C19orf47: variants seen among roughly 807,000 people sequenced by gnomAD.
The protein encoded by C19orf47 is uncharacterized protein C19orf47.
In C19orf47, 18 loss-of-function variants were observed where a neutral mutation model predicts 32.3. The observed-to-expected ratio is 0.56, with a 90% CI of 0.39 to 0.83. The LOEUF is 0.83. Among genes scored for constraint, C19orf47 ranks in the 40% least tolerant of loss-of-function variants. The pLI is 0.00. For missense variants in C19orf47, 484 were observed against 531.6 expected (o/e 0.91, Z 0.88); for synonymous variants, 202 against 211.1 (o/e 0.96, Z 0.37).
Position 40,321,540 on chromosome 19 carries a change from G to A in C19orf47, c.*342C>T. The A allele has an allele frequency of 9.3e-7, 1 of 1,071,112 alleles. No homozygotes were observed. Among genetic ancestry groups the A allele is most frequent in the Non-Finnish European group, 1.1e-6 (1 of 882,650 alleles). The allele number at this position is 1,071,112 out of a possible 1,614,324, so 66.4% of individuals were successfully genotyped here. A position where few individuals can be genotyped will look rare whatever the true frequency, so the allele number is the denominator to read the frequency against. On this transcript the variant is annotated 3_prime_UTR_variant, in exon 9 of 9. Transcript: ENST00000683109. Reference sequence around the variant, plus strand: ...GGCTGATGAGCTGGGGTCTGAGGCAGCAGACCCTGCTCAGGGGAAGAAGGG... The same window carrying A: ...GGCTGATGAGCTGGGGTCTGAGGCAACAGACCCTGCTCAGGGGAAGAAGGG...
intron 1 of C19orf47, among the ~76,000 whole-genome samples, chr19:40,345,769 G>A (rs1310956234): frequency 1.3e-5 from 1 of 76,196 alleles, no homozygotes; most frequent in African/African-American, 4.7e-5. Flanking sequence ...TTCAACCCGG[G>A]GCGGGGGGGG....
the C19orf47 span, among the ~76,000 whole-genome samples, chr19:40,312,407 T>C: frequency 1.3e-5 from 2 of 152,062 alleles, no homozygotes; most frequent in Non-Finnish European, 2.9e-5. Context: ...TAGCCAGGCA[T>C]GGTGGCGGGC....
intron 2 of C19orf47, among the ~76,000 whole-genome samples, chr19:40,337,169 G>C (rs1055255039): frequency 2.6e-5 from 4 of 152,088 alleles, no homozygotes; most frequent in African/African-American, 9.7e-5. Flanking sequence ...TTGTGGAGCT[G>C]AGATTTTAGT....
chr19:40,338,336 CAAAT>C (rs1248181054), intron 2 of C19orf47, among the ~76,000 whole-genome samples: 2 of 144,244 alleles, frequency 1.4e-5, no homozygotes, highest in Non-Finnish European at 3.0e-5. Context: ...TATATATACA[CAAAT>C]ATATATATAC....
chr19:40,300,847 T>C, the C19orf47 span, among the ~76,000 whole-genome samples: 2 of 152,234 alleles, frequency 1.3e-5, no homozygotes, highest in Admixed American at 1.3e-4. Flanking sequence ...GTGGAAAAAC[T>C]GGACTCAGAA....
At chr19:40,309,194 T>TC in the C19orf47 span, among the ~76,000 whole-genome samples, 4 of 132,142 alleles carry the variant, frequency 3.0e-5, no homozygotes, top group Non-Finnish European at 4.8e-5. Context: ...TCTCTCTCTC[T>TC]TTTTTTTTTT....
At chr19:40,337,540 C>A (rs902336319) in intron 2 of C19orf47, among the ~76,000 whole-genome samples, 1 of 152,014 alleles carries the variant, frequency 6.6e-6, no homozygotes, top group Non-Finnish European at 1.5e-5. Flanking sequence ...TACTTCATGA[C>A]TGACAGTGTG....
the C19orf47 span, among the ~76,000 whole-genome samples, chr19:40,300,030 A>T: frequency 6.6e-6 from 1 of 151,970 alleles, no homozygotes; most frequent in Non-Finnish European, 1.5e-5. Flanking sequence ...CTCCATCTGA[A>T]AAAAGAGAGA....
In C19orf47 at chr19:40,321,851, C is replaced by A; in HGVS notation, c.*31G>T. The A allele has an allele frequency of 6.6e-7, 1 of 1,517,230 alleles. No individual in the cohort carries two copies. The highest frequency in any genetic ancestry group is 8.8e-7 in the Non-Finnish European group (1 of 1,135,174). 94.0% of individuals were successfully genotyped at this position (1,517,230 alleles called of 1,614,324 possible). On this transcript the variant is annotated 3_prime_UTR_variant, in exon 9 of 9. Transcript: ENST00000683109. ...GGCGGCCAGGGCAGATGCCCGCAGG[C>A]TCTGCTGCCTGCACCCCGCCCACAG... is the stretch of plus-strand genomic sequence containing the variant.
downstream of C19orf47, among the ~76,000 whole-genome samples, chr19:40,319,038 GA>G (rs2077682198): frequency 6.6e-6 from 1 of 152,132 alleles, no homozygotes; most frequent in South Asian, 2.1e-4. Flanking sequence ...TTGGGAGGCT[GA>G]GGCGGGCGGA....
At chr19:40,314,615 TGAG>T (rs1453722634), downstream of C19orf47, among the ~76,000 whole-genome samples, 5 of 152,170 alleles carry the variant, frequency 3.3e-5, no homozygotes, top group African/African-American at 7.2e-5. Flanking sequence ...AGTTACTAAA[TGAG>T]GAGAAGAGAC....
the C19orf47 span, among the ~76,000 whole-genome samples, chr19:40,310,588 C>T: frequency 6.6e-6 from 1 of 152,112 alleles, no homozygotes; most frequent in Non-Finnish European, 1.5e-5. Context: ...CCGAATTGTT[C>T]ACTTTAAATG....
At chr19:40,293,903 G>A in the C19orf47 span, among the ~76,000 whole-genome samples, 61 of 152,094 alleles carry the variant, frequency 4.0e-4, no homozygotes, top group Non-Finnish European at 7.2e-4. Context: ...GGCAGATCAC[G>A]AGGTCAGGAG....
Position 40,321,587 on chromosome 19 carries a change from C to A in C19orf47, c.*295G>T. ...AGGGGAATGTAGGAGAGGAAGAAGC[C>A]CCCTGGCACTTGGGAGAGGTAGAAA... On this transcript the variant is annotated 3_prime_UTR_variant, in exon 9 of 9. Coordinates refer to ENST00000683109, the MANE Select transcript of C19orf47 (RefSeq NM_001256441.2). The A allele has an allele frequency of 8.5e-7, 1 of 1,179,056 alleles. No individual in the cohort carries two copies. Among genetic ancestry groups the A allele is most frequent in the Non-Finnish European group, 1.1e-6 (1 of 950,796 alleles). The allele number at this position is 1,179,056 out of a possible 1,614,324, so 73.0% of individuals were successfully genotyped here.
chr19:40,300,204 TG>T, the C19orf47 span, among the ~76,000 whole-genome samples: 3 of 151,788 alleles, frequency 2.0e-5, no homozygotes, highest in African/African-American at 7.3e-5. Context: ...CAATGGCTCG[TG>T]CTTGTAATCC....
intron 5 of C19orf47, 127 bp from the exon 6 acceptor site, chr19:40,328,677 CT>C (rs1216766692): frequency 3.2e-6 from 4 of 1,255,256 alleles, no homozygotes; most frequent in Non-Finnish European, 3.3e-6. Flanking sequence ...GGGTATCACC[CT>C]GTAACTGCAT....
chr19:40,305,159 A>G, the C19orf47 span, among the ~76,000 whole-genome samples: 2 of 152,132 alleles, frequency 1.3e-5, no homozygotes, highest in African/African-American at 2.4e-5. Context: ...CCTGGCCAAC[A>G]TAGCGAAATC....
At chr19:40,339,915 C>T (rs891761540) in intron 2 of C19orf47, among the ~76,000 whole-genome samples, 2 of 148,088 alleles carry the variant, frequency 1.4e-5, no homozygotes, top group Non-Finnish European at 3.0e-5. Flanking sequence ...GCAGAGGTTG[C>T]GGTGAGCCGA....
rs554960173 is a variant in C19orf47 at position 40,338,711 on chromosome 19, T to C, written c.20-2304A>G. Among the ~76,000 whole-genome samples, 22 of 151,430 alleles carry C rather than the reference T, an allele frequency of 1.5e-4. No individual in the cohort carries two copies. In the South Asian group the frequency reaches 4.4e-3, roughly 30 times the overall value. ...TTTTGTATTTTTTATAGAGACAGAG[T>C]TTTGCCATGTTGCCTAGGCTGGTCT... is the stretch of plus-strand genomic sequence containing the variant. On this transcript the variant is annotated intron_variant, in intron 2 of 8. Transcript: ENST00000683109.
Sources: allele counts gnomAD v4.1 joint callset (sites outside exome capture counted in the v4.1 genomes callset), GRCh38; gene constraint gnomAD v4.1.1; transcripts MANE v1.5; gene names NCBI Gene and HGNC (gene_info 2026-07-23, HGNC 2026-07-21).